PDE4C: variants seen among roughly 807,000 people sequenced by gnomAD.
PDE4C encodes the protein phosphodiesterase 4C.
In PDE4C, 50 loss-of-function variants were observed where a neutral mutation model predicts 63.9. That is an observed-to-expected ratio of 0.78 (90% confidence interval 0.62 to 0.99). The LOEUF (loss-of-function observed/expected upper bound fraction) is 0.99, where lower values mean the gene tolerates loss of function less well. PDE4C is among the 50% of genes least tolerant of loss of function. The pLI is 0.00. For synonymous variants in PDE4C, 377 were observed against 385.1 expected, an observed-to-expected ratio of 0.98 and a Z score of 0.25; for missense variants, 777 against 899.1, an observed-to-expected ratio of 0.86 and a Z score of 1.74.
rs1213632792 is a variant in PDE4C, at chr19:18,216,580, G to C, written c.1389+161C>G. Among the ~76,000 whole-genome samples the C allele has an allele frequency of 2.6e-5, 4 of 152,232 alleles. No individual in the cohort carries two copies. The East Asian group carries it at 7.7e-4, about 29-fold the overall frequency. On this transcript the variant is annotated intron_variant, in intron 12 of 14. Coordinates refer to ENST00000262805, the Ensembl canonical transcript of PDE4C. ...ATGAGCCACCGCCCCTGGCCCCACTGTTCCATTTCACAGATGAGGAAGCTC... is the reference window on the plus strand; with the variant it reads ...ATGAGCCACCGCCCCTGGCCCCACTCTTCCATTTCACAGATGAGGAAGCTC...
intron 3 of PDE4C, 22 bp downstream of exon 3, chr19:18,221,239 A>AG: frequency 1.1e-6 from 1 of 886,018 alleles, no homozygotes; most frequent in Non-Finnish European, 1.7e-6. Context: ...GGGTCAGGGC[A>AG]GGGAGGGCGG....
upstream of PDE4C, chr19:18,233,761 C>G (rs1968901140): frequency 3.1e-6 from 1 of 326,926 alleles, no homozygotes; most frequent in Non-Finnish European, 6.0e-6. Context: ...CAGGTGCACC[C>G]CCAGACCAGG....
intron 1 of PDE4C, among the ~76,000 whole-genome samples, chr19:18,247,924 C>G (rs1023944101): frequency 6.6e-6 from 1 of 152,184 alleles, no homozygotes; most frequent in Non-Finnish European, 1.5e-5. Context: ...CAGCGGTCCC[C>G]ATCCAGGGAC....
intron 1 of PDE4C, among the ~76,000 whole-genome samples, chr19:18,242,400 C>T (rs1009524270): frequency 5.3e-5 from 7 of 131,688 alleles, no homozygotes; most frequent in African/African-American, 1.2e-4. Context: ...TGTTTATGCC[C>T]GAGAGGCGGA....
intron 1 of PDE4C, among the ~76,000 whole-genome samples, chr19:18,240,455 C>T (rs563786730): frequency 2.7e-5 from 4 of 146,756 alleles, no homozygotes; most frequent in South Asian, 2.2e-4. Flanking sequence ...GGGCTGGGCA[C>T]GGTGGCTCAT....
At chr19:18,224,816 T>TCTGGGGTGCGCCGTGGGCG in intron 1 of PDE4C, among the ~76,000 whole-genome samples, 1 of 152,016 alleles carries the variant, frequency 6.6e-6, no homozygotes, top group African/African-American at 2.4e-5. Context: ...CCCTGGCCCG[T>TCTGGGGTGCGCCGTGGGCG]CTGGGGTGCG....
upstream of PDE4C, among the ~76,000 whole-genome samples, chr19:18,236,260 G>A (rs1402841830): frequency 6.6e-6 from 1 of 150,624 alleles, no homozygotes; most frequent in Non-Finnish European, 1.5e-5. Context: ...ATTTTTTTAA[G>A]ATGGTGTCTT....
chr19:18,255,126 G>C, the PDE4C span: 1 of 396,314 alleles, frequency 2.5e-6, no homozygotes, highest in East Asian at 3.6e-5. This position sits in a 1 kb window ranked among gnomAD's most constrained non-coding sequence, Gnocchi z 4.6. Context: ...TGGCCTGAGG[G>C]AGGGGTCCAG....
chr19:18,232,479 C>T (rs1026907082), intron 1 of PDE4C, among the ~76,000 whole-genome samples: 1 of 151,758 alleles, frequency 6.6e-6, no homozygotes, highest in Non-Finnish European at 1.5e-5. Context: ...CACAAACTTC[C>T]CCCACAGGCC....
upstream of PDE4C, among the ~76,000 whole-genome samples, chr19:18,249,431 C>T (rs1476558111): frequency 6.6e-6 from 1 of 151,750 alleles, no homozygotes; most frequent in Non-Finnish European, 1.5e-5. Flanking sequence ...CACACCACCA[C>T]GCCTGGCTAA....
intron 12 of PDE4C, 63 bp from the exon 13 acceptor site, chr19:18,213,553 A>G: frequency 6.5e-7 from 1 of 1,541,326 alleles, no homozygotes; most frequent in Admixed American, 1.9e-5. Context: ...CCTCACTCCC[A>G]ACTCCCAGAT....
intron 1 of PDE4C, among the ~76,000 whole-genome samples, chr19:18,223,192 A>G (rs1479316103): frequency 2.8e-5 from 4 of 144,192 alleles, no homozygotes; most frequent in Non-Finnish European, 4.5e-5. Flanking sequence ...ACAGGTGCGC[A>G]CCACCACGCC....
upstream of PDE4C, among the ~76,000 whole-genome samples, chr19:18,229,856 C>T (rs74953554): frequency 0.01 from 1,551 of 152,194 alleles, 33 homozygotes; most frequent in African/African-American, 0.034. Flanking sequence ...GAATTCACAC[C>T]TCCCAGAGGT....
At chr19:18,226,500 G>C (rs953092280), upstream of PDE4C, 12 of 1,139,798 alleles carry the variant, frequency 1.1e-5, no homozygotes, top group East Asian at 2.9e-4. Flanking sequence ...CCAGCGGGGA[G>C]GGGGCAAAGG....
intron 1 of PDE4C, among the ~76,000 whole-genome samples, chr19:18,242,381 G>A (rs1969056208): frequency 7.0e-6 from 1 of 143,238 alleles, no homozygotes; most frequent in African/African-American, 2.6e-5. Context: ...TAGGCTGAGG[G>A]AAGATAATTG....
Position 18,220,790 on chromosome 19 carries a change from AG to A in PDE4C, c.499+83del. 1 of 1,320,754 alleles carries A rather than the reference AG, an allele frequency of 7.6e-7. No homozygotes were observed. The highest frequency in any genetic ancestry group is 1.9e-5 in the Admixed American group (1 of 51,340). The allele number at this position is 1,320,754 out of a possible 1,614,324, so 81.8% of individuals were successfully genotyped here. On this transcript the variant is annotated intron_variant, in intron 5 of 14. Coordinates refer to ENST00000262805, the Ensembl canonical transcript of PDE4C. This position sits in a 1 kb window ranked among gnomAD's most constrained non-coding sequence, Gnocchi z 5.1. ...CGGGGCTACAATTAGCCCCAGTATA[AG>A]GGGCTCATGGACTGGGGAGGTCACT...
exon 2 of PDE4C, chr19:18,222,213 T>C: frequency 6.2e-7 from 1 of 1,614,160 alleles, no homozygotes; most frequent in Non-Finnish European, 8.5e-7. Context: ...CAGGAAGGAC[T>C]CGCGCCGCTG....
exon 15 of PDE4C, chr19:18,211,039 C>G: frequency 6.2e-7 from 1 of 1,614,240 alleles, no homozygotes; most frequent in Non-Finnish European, 8.5e-7. Flanking sequence ...GCTGTCTCTT[C>G]CCCCTCCTCT....
chr19:18,244,493 G>A (rs923432367), intron 1 of PDE4C, among the ~76,000 whole-genome samples: 2 of 151,626 alleles, frequency 1.3e-5, no homozygotes, highest in African/African-American at 4.8e-5. Flanking sequence ...GGGTTTTGTT[G>A]TTGTTGTTGT....
Sources: allele counts gnomAD v4.1 joint callset (sites outside exome capture counted in the v4.1 genomes callset), GRCh38; gene constraint gnomAD v4.1.1; non-coding constraint Gnocchi (gnomAD v3.1); transcripts MANE v1.5; gene names NCBI Gene and HGNC (gene_info 2026-07-23, HGNC 2026-07-21).